DGKI: variants seen among roughly 807,000 people sequenced by gnomAD.
DGKI encodes diacylglycerol kinase iota.
A neutral mutation model predicts 147.5 loss-of-function variants in DGKI; 55 were observed. The observed-to-expected ratio is 0.37, with a 90% CI of 0.30 to 0.47. DGKI has a LOEUF of 0.47. Among genes scored for constraint, DGKI ranks in the 20% least tolerant of loss-of-function variants. DGKI has a pLI of 1.00. For missense variants in DGKI, 1,007 were observed against 1,323.8 expected, an observed-to-expected ratio of 0.76 and a Z score of 3.71; for synonymous variants, 469 against 477.1, an observed-to-expected ratio of 0.98 and a Z score of 0.22.
At chr7:137,443,785 CAAAACCA>C (rs1813604000) in intron 28 of DGKI, among the ~76,000 whole-genome samples, 1 of 152,084 alleles carries the variant, frequency 6.6e-6, no homozygotes, top group African/African-American at 2.4e-5. Context: ...AGGACTAGTC[CAAAACCA>C]CAAAACCACA....
intron 1 of DGKI, among the ~76,000 whole-genome samples, chr7:137,820,666 TG>T (rs1797869823): frequency 6.6e-6 from 1 of 152,154 alleles, no homozygotes; most frequent in South Asian, 2.1e-4. Context: ...ACAGTGTCTC[TG>T]GGGGCTGTGG....
At chr7:137,441,560 T>G (rs1020445107) in intron 28 of DGKI, among the ~76,000 whole-genome samples, 2 of 151,808 alleles carry the variant, frequency 1.3e-5, no homozygotes, top group African/African-American at 4.8e-5. Context: ...CAAGATAAGG[T>G]AAAGGACAAA....
rs1011633260 is a variant in DGKI at position 137,430,452 on chromosome 7, C to T, written c.2761+13625G>A. The stretch of plus-strand genomic sequence containing the variant: ...ATGGCATTAGGAGATATACCTAATG[C>T]TAAATGACGTGTTAATGGGTGCAGC... On this transcript the variant is annotated intron_variant, in intron 28 of 32. Transcript: ENST00000614521. 5.3e-5 allele frequency among the ~76,000 whole-genome samples: 8 copies of T among 150,876 alleles called. No individual in the cohort carries two copies. In the East Asian group the frequency reaches 1.2e-3, roughly 22 times the overall value.
chr7:137,643,188 G>A (rs1821702471), intron 6 of DGKI, among the ~76,000 whole-genome samples: 1 of 150,180 alleles, frequency 6.7e-6, no homozygotes, highest in Non-Finnish European at 1.5e-5. Context: ...CTACTTGGGA[G>A]GCTGAGGCAG....
intron 1 of DGKI, among the ~76,000 whole-genome samples, chr7:137,734,430 C>T (rs1794966493): frequency 1.3e-5 from 2 of 151,812 alleles, no homozygotes; most frequent in Admixed American, 6.6e-5. Flanking sequence ...TGGCTGGTGA[C>T]GTCATTTCCA....
intron 21 of DGKI, among the ~76,000 whole-genome samples, chr7:137,508,742 T>C (rs986632268): frequency 6.6e-6 from 1 of 152,066 alleles, no homozygotes; most frequent in African/African-American, 2.4e-5. Flanking sequence ...AGCCCCTCTC[T>C]CTCAGGCTCT....
At chr7:137,760,042 TTGAGGCA>T (rs1563184852) in intron 1 of DGKI, among the ~76,000 whole-genome samples, 1 of 152,142 alleles carries the variant, frequency 6.6e-6, no homozygotes, top group Non-Finnish European at 1.5e-5. Context: ...ACTGAGGCAA[TTGAGGCA>T]ATCGACAGGG....
intron 12 of DGKI, among the ~76,000 whole-genome samples, chr7:137,589,925 G>T (rs1477614169): frequency 6.6e-6 from 1 of 151,920 alleles, no homozygotes; most frequent in Non-Finnish European, 1.5e-5. Flanking sequence ...TTTTTCTTAT[G>T]CTCACTTGAA....
At chr7:137,526,549 T>C (rs1193484164) in intron 20 of DGKI, among the ~76,000 whole-genome samples, 1 of 152,050 alleles carries the variant, frequency 6.6e-6, no homozygotes, top group Non-Finnish European at 1.5e-5. Context: ...AGAGCACTTG[T>C]TGAATCACTC....
rs1376231659 is a variant in DGKI at position 137,388,025 on chromosome 7, G to A, written c.*3195C>T. 6.6e-6 allele frequency: 1 copy of A among 152,108 alleles called. No homozygotes were observed. The highest frequency in any genetic ancestry group is 1.5e-5 in the Non-Finnish European group (1 of 68,018). 9.4% of individuals were successfully genotyped at this position (152,108 alleles called of 1,614,324 possible). ...AGGATAAGGAGCAACAGGTATGTAC[G>A]GCTCTCCATCAGTCATTACTAATTT... On this transcript the variant is annotated 3_prime_UTR_variant, in exon 33 of 33. Coordinates refer to ENST00000614521, the MANE Select transcript of DGKI (RefSeq NM_001321708.2).
chr7:137,690,952 G>A lies in DGKI; in HGVS notation c.402-950C>T, dbSNP rs536842956. ...GGCCTCCCAAAAAATGTCTCACAAG[G>A]GTCTAGAGCTTAAACATGAGCGCTG... On this transcript the variant is annotated intron_variant, in intron 1 of 32. Transcript: ENST00000614521. Among the ~76,000 whole-genome samples, 130 of 152,230 alleles carry A rather than the reference G, an allele frequency of 8.5e-4. 2 individuals carry two copies. The South Asian group carries it at 0.026, about 30-fold the overall frequency.
intron 5 of DGKI, among the ~76,000 whole-genome samples, chr7:137,647,150 G>A (rs1444552560): frequency 2.6e-5 from 4 of 152,076 alleles, no homozygotes; most frequent in South Asian, 2.1e-4. Context: ...TGAGCCATGC[G>A]CTTTAAAAAA....
At chr7:137,601,647 C>G (rs73455305) in intron 10 of DGKI, among the ~76,000 whole-genome samples, 3,078 of 152,282 alleles carry the variant, frequency 0.02, 94 homozygotes, top group African/African-American at 0.069. Flanking sequence ...TTAAGTGAAT[C>G]ACTAACAGTC....
intron 21 of DGKI, among the ~76,000 whole-genome samples, chr7:137,509,015 A>C (rs1816476854): frequency 6.6e-6 from 1 of 152,156 alleles, no homozygotes; most frequent in Non-Finnish European, 1.5e-5. Context: ...AGGGGAGTAG[A>C]GAAAAGAAAC....
chr7:137,841,066 C>T (rs1259502718), intron 1 of DGKI, among the ~76,000 whole-genome samples: 1 of 152,222 alleles, frequency 6.6e-6, no homozygotes. Flanking sequence ...AGTTACATAG[C>T]TTGTCTGAGA....
chr7:137,518,376 A>C (rs10261618), intron 21 of DGKI, among the ~76,000 whole-genome samples: 9,227 of 152,176 alleles, frequency 0.061, 681 homozygotes, highest in African/African-American at 0.18. Context: ...CAAACAAGGA[A>C]ATTCCATTAG....
At chr7:137,442,895 G>C (rs1813565206) in intron 28 of DGKI, among the ~76,000 whole-genome samples, 1 of 152,174 alleles carries the variant, frequency 6.6e-6, no homozygotes, top group African/African-American at 2.4e-5. Flanking sequence ...TTAAGCCCTA[G>C]AATGTAGAAA....
chr7:137,675,938 C>T (rs1401742975), intron 3 of DGKI, among the ~76,000 whole-genome samples: 1 of 152,166 alleles, frequency 6.6e-6, no homozygotes, highest in African/African-American at 2.4e-5. Flanking sequence ...TCTGCCTTCG[C>T]TCCTAATACT....
At chr7:137,730,969 T>C (rs1251428656) in intron 1 of DGKI, among the ~76,000 whole-genome samples, 1 of 152,074 alleles carries the variant, frequency 6.6e-6, no homozygotes, top group South Asian at 2.1e-4. Context: ...CTCATTTCAC[T>C]AGGTTCAAAG....
Sources: gnomAD v4.1 joint callset for allele counts (sites outside exome capture counted in the v4.1 genomes callset) on GRCh38, gnomAD v4.1.1 for gene constraint, MANE v1.5 for transcripts, NCBI Gene and HGNC (gene_info 2026-07-23, HGNC 2026-07-21) for gene names.